Variants in SPHKAP observed in about 807,000 individuals in gnomAD.
SPHKAP encodes the protein SPHK1 interactor, AKAP domain containing, also known as A-kinase anchor protein SPHKAP.
A neutral mutation model predicts 137.5 loss-of-function variants in SPHKAP; 67 were observed. That is an observed-to-expected ratio of 0.49 (90% CI 0.40 to 0.60). The LOEUF is 0.60. Ranked by LOEUF, SPHKAP falls within the 20% of genes least tolerant of loss-of-function variation. SPHKAP has a pLI of 0.00. For missense variants in SPHKAP, 2,097 were observed against 2,069.3 expected, an observed-to-expected ratio of 1.01 and a Z score of -0.26; for synonymous variants, 813 against 785.3, an observed-to-expected ratio of 1.04 and a Z score of -0.59.
intron 3 of SPHKAP, among the ~76,000 whole-genome samples, chr2:228,028,367 T>C (rs1313379122): frequency 6.6e-6 from 1 of 152,232 alleles, no homozygotes; most frequent in Non-Finnish European, 1.5e-5. Context: ...AACCTTGTTA[T>C]ACAATTTGCC....
chr2:228,149,150 G>A (rs900930609), intron 1 of SPHKAP, among the ~76,000 whole-genome samples: 2 of 152,102 alleles, frequency 1.3e-5, no homozygotes, highest in African/African-American at 4.8e-5. Flanking sequence ...CTAATAGAGA[G>A]AATTTTAAGA....
In SPHKAP at chr2:228,018,372, T is replaced by C; in HGVS notation, c.2482A>G (p.Thr828Ala). ...TTCAGATATATTTCCTTGGAGGATG[T>C]TGTAGCAGTTGAAGAATCGGGCACT... ...HRVPDSSTAT[T>A]SSKEIYLKGI... is the part of the protein sequence containing the mutation. The change falls in exon 7 of 12, where the codon ACA becomes GCA. Residue 828 changes from threonine to alanine, a missense_variant. Thr to Ala is a moderately conservative substitution (Grantham distance 58, BLOSUM62 0). Coordinates refer to ENST00000392056, the MANE Select transcript of SPHKAP (RefSeq NM_001142644.2). The C allele has an allele frequency of 1.2e-6, 2 of 1,614,208 alleles. No individual in the cohort carries two copies. Among genetic ancestry groups the C allele is most frequent in the African/African-American group, 1.3e-5 (1 of 75,046 alleles).
intron 3 of SPHKAP, among the ~76,000 whole-genome samples, chr2:228,079,374 G>C (rs917471139): frequency 6.6e-6 from 1 of 152,142 alleles, no homozygotes; most frequent in African/African-American, 2.4e-5. Flanking sequence ...CCATGGCTCT[G>C]GGGTTGGGGA....
chr2:228,008,172 T>A (rs532149252), intron 7 of SPHKAP, among the ~76,000 whole-genome samples: 1 of 152,298 alleles, frequency 6.6e-6, no homozygotes, highest in Admixed American at 6.5e-5. Flanking sequence ...CAAAAGTTTT[T>A]AATTTTAATA....
chr2:228,001,473 A>G (rs1386092183), intron 7 of SPHKAP, among the ~76,000 whole-genome samples: 1 of 144,028 alleles, frequency 6.9e-6, no homozygotes, highest in Non-Finnish European at 1.5e-5. Flanking sequence ...ACGTATATAT[A>G]AAAATATATA....
At chr2:228,033,908 A>G (rs1695462027) in intron 3 of SPHKAP, among the ~76,000 whole-genome samples, 1 of 152,234 alleles carries the variant, frequency 6.6e-6, no homozygotes, top group Non-Finnish European at 1.5e-5. Context: ...ATACCACTAA[A>G]TGCCCACAAG....
At chr2:228,151,195 G>A (rs960216759) in intron 1 of SPHKAP, among the ~76,000 whole-genome samples, 5 of 147,814 alleles carry the variant, frequency 3.4e-5, no homozygotes, top group African/African-American at 1.3e-4. Flanking sequence ...TTGGTTTTTT[G>A]TCCTTGCGAT....
chr2:228,025,841 T>G, intron 4 of SPHKAP: 1 of 983,134 alleles, frequency 1.0e-6, no homozygotes, highest in Non-Finnish European at 1.2e-6. Context: ...TTGGAAAAAT[T>G]TTCCCTTTTA....
intron 1 of SPHKAP, among the ~76,000 whole-genome samples, chr2:228,166,179 T>G (rs1042934603): frequency 6.6e-6 from 1 of 152,202 alleles, no homozygotes; most frequent in Non-Finnish European, 1.5e-5. Context: ...GAGGTGTTTA[T>G]GATCTTGTGA....
chr2:228,011,216 C>A (rs909720990), intron 7 of SPHKAP, among the ~76,000 whole-genome samples: 6 of 135,070 alleles, frequency 4.4e-5, no homozygotes, highest in Non-Finnish European at 9.3e-5. Context: ...AGAGCTTGAA[C>A]CCTCAAAGAT....
chr2:228,096,124 C>T (rs2106332905), intron 3 of SPHKAP, among the ~76,000 whole-genome samples: 1 of 152,122 alleles, frequency 6.6e-6, no homozygotes, highest in Admixed American at 6.5e-5. Context: ...GGACTTCAGA[C>T]TAATAAAACG....
chr2:228,139,946 T>TTTTTTG (rs1217332636), intron 1 of SPHKAP, among the ~76,000 whole-genome samples: 1 of 75,588 alleles, frequency 1.3e-5, no homozygotes. Flanking sequence ...TTTTCTTTTC[T>TTTTTTG]TTTTTCTTTT....
At chr2:228,056,137 C>A (rs1378734059) in intron 3 of SPHKAP, among the ~76,000 whole-genome samples, 1 of 152,238 alleles carries the variant, frequency 6.6e-6, no homozygotes, top group Non-Finnish European at 1.5e-5. Context: ...TCTCTCACAG[C>A]AGCTTGAGCC....
At chr2:228,110,336 A>G (rs923464359) in intron 2 of SPHKAP, among the ~76,000 whole-genome samples, 13 of 151,948 alleles carry the variant, frequency 8.6e-5, no homozygotes, top group Non-Finnish European at 1.9e-4. Context: ...TAATAATATA[A>G]AATATAATCG....
chr2:228,128,029 C>G (rs1221994195), intron 2 of SPHKAP, among the ~76,000 whole-genome samples: 4 of 152,148 alleles, frequency 2.6e-5, no homozygotes, highest in Non-Finnish European at 5.9e-5. Flanking sequence ...AGGTTGATGG[C>G]TACTAATTGA....
At chr2:228,118,608 T>C (rs1698798011) in intron 2 of SPHKAP, among the ~76,000 whole-genome samples, 1 of 152,160 alleles carries the variant, frequency 6.6e-6, no homozygotes, top group Non-Finnish European at 1.5e-5. Flanking sequence ...TGTTTTACTT[T>C]CCATTTTAAG....
At chr2:228,135,998 A>C (rs1699430557) in intron 1 of SPHKAP, among the ~76,000 whole-genome samples, 2 of 152,296 alleles carry the variant, frequency 1.3e-5, no homozygotes, top group East Asian at 3.9e-4. Context: ...CTGTTCCCAT[A>C]CCTTTTGGAT....
At chr2:228,048,375 T>G (rs1696139949) in intron 3 of SPHKAP, among the ~76,000 whole-genome samples, 1 of 152,006 alleles carries the variant, frequency 6.6e-6, no homozygotes, top group African/African-American at 2.4e-5. Context: ...TATTTACCTA[T>G]TTACCATTAC....
intron 7 of SPHKAP, among the ~76,000 whole-genome samples, chr2:228,004,536 T>A (rs1694050682): frequency 1.3e-5 from 2 of 152,156 alleles, no homozygotes; most frequent in Admixed American, 1.3e-4. Flanking sequence ...TTATGAAGGG[T>A]TTTTTGTGTC....
Sources: gnomAD v4.1 joint callset for allele counts (sites outside exome capture counted in the v4.1 genomes callset) on GRCh38, gnomAD v4.1.1 for gene constraint, MANE v1.5 for transcripts, NCBI Gene and HGNC (gene_info 2026-07-23, HGNC 2026-07-21) for gene names.